Variants in GRAMD1B observed in about 807,000 individuals in gnomAD.
GRAMD1B encodes protein Aster-B.
A neutral mutation model predicts 99.7 loss-of-function variants in GRAMD1B; 37 were observed. The observed-to-expected ratio is 0.37, with a 90% confidence interval of 0.29 to 0.49. The LOEUF is 0.49. Among genes scored for constraint, GRAMD1B ranks in the 20% least tolerant of loss-of-function variants. The pLI is 0.98. For synonymous variants in GRAMD1B, 427 were observed against 387.6 expected, an observed-to-expected ratio of 1.10 and a Z score of -1.19; for missense variants, 888 against 1,009.2, an observed-to-expected ratio of 0.88 and a Z score of 1.63.
chr11:123,461,396 G>A (rs1950406251), intron 1 of GRAMD1B, among the ~76,000 whole-genome samples: 1 of 152,198 alleles, frequency 6.6e-6, no homozygotes, highest in African/African-American at 2.4e-5. Context: ...TGTCCTTGTG[G>A]CTAAATGAGG....
chr11:123,389,536 G>A (rs541886513), intron 1 of GRAMD1B, among the ~76,000 whole-genome samples: 2 of 152,242 alleles, frequency 1.3e-5, no homozygotes, highest in Admixed American at 6.5e-5. Flanking sequence ...GTAATGCAGC[G>A]TCCTGGATGG....
rs554709334 is a variant in GRAMD1B at position 123,611,297 on chromosome 11, T to G, written c.1919+959T>G. 4.0e-5 allele frequency among the ~76,000 whole-genome samples: 6 copies of G among 151,522 alleles called. No homozygotes were observed. In the East Asian group the frequency reaches 9.8e-4, roughly 25 times the overall value. On this transcript the variant is annotated intron_variant, in intron 14 of 19. Transcript: ENST00000635736. ...AAAAAAAATAAAAGTTCGCCAGGAG[T>G]GGTGGCGTGTACTGTAGTCCCAGCT...
At chr11:123,511,435 G>GAGATAGCTT (rs1665314532) in intron 2 of GRAMD1B, among the ~76,000 whole-genome samples, 1 of 152,070 alleles carries the variant, frequency 6.6e-6, no homozygotes, top group Non-Finnish European at 1.5e-5. Flanking sequence ...GGGCGCTCCT[G>GAGATAGCTT]AGATAGCTTT....
chr11:123,540,928 T>TA (rs1944449762), intron 2 of GRAMD1B, among the ~76,000 whole-genome samples: 2 of 152,182 alleles, frequency 1.3e-5, no homozygotes, highest in South Asian at 4.1e-4. Flanking sequence ...TAGTTTTTTT[T>TA]AATTTAAAAA....
intron 1 of GRAMD1B, among the ~76,000 whole-genome samples, chr11:123,451,649 C>T (rs1949891836): frequency 1.3e-5 from 2 of 152,122 alleles, no homozygotes; most frequent in South Asian, 4.1e-4. Context: ...TTTTACCTCC[C>T]CTGCTCCCCT....
intron 2 of GRAMD1B, among the ~76,000 whole-genome samples, chr11:123,487,639 T>C (rs10790578): frequency 0.72 from 110,051 of 152,148 alleles, 40,731 homozygotes; most frequent in African/African-American, 0.89. Flanking sequence ...CAGTCTTGCT[T>C]TGTCACCCAG....
chr11:123,360,956 A>T (rs761576505), intron 1 of GRAMD1B, among the ~76,000 whole-genome samples: 1 of 151,918 alleles, frequency 6.6e-6, no homozygotes, highest in Non-Finnish European at 1.5e-5. Context: ...AGCTGGGATT[A>T]CAGGCGCCCA....
intron 2 of GRAMD1B, among the ~76,000 whole-genome samples, chr11:123,568,569 C>T (rs1167640465): frequency 1.3e-5 from 2 of 152,200 alleles, no homozygotes; most frequent in Admixed American, 6.5e-5. Context: ...AGGGAAGGCC[C>T]ATTCTGTGTC....
intron 16 of GRAMD1B, among the ~76,000 whole-genome samples, chr11:123,614,327 G>A (rs1287686188): frequency 1.3e-5 from 2 of 152,150 alleles, no homozygotes; most frequent in African/African-American, 4.8e-5. Context: ...TAAGATTTCT[G>A]ACTGACATTG....
intron 2 of GRAMD1B, among the ~76,000 whole-genome samples, chr11:123,513,517 TC>T (rs1188393519): frequency 7.5e-6 from 1 of 132,842 alleles, no homozygotes; most frequent in African/African-American, 2.8e-5. Context: ...TTTCTTTCTT[TC>T]CTTCCTTCCT....
intron 1 of GRAMD1B, among the ~76,000 whole-genome samples, chr11:123,398,353 T>C (rs1375153206): frequency 6.6e-6 from 1 of 152,218 alleles, no homozygotes; most frequent in Non-Finnish European, 1.5e-5. Flanking sequence ...CTAAGGTCTC[T>C]CTTCTTCTTA....
In GRAMD1B at chr11:123,626,363, C is replaced by T. The variant is rs987621801; in HGVS notation, c.*3768C>T. On this transcript the variant is annotated 3_prime_UTR_variant, in exon 20 of 20. Coordinates refer to ENST00000635736, the MANE Select transcript of GRAMD1B (RefSeq NM_001387025.1). ...TGTGAGAAGTGGATTCTCTCCGTGT[C>T]CCTGCCCCCCACCCAAACTTGAACT... 1 of 151,144 alleles carries T rather than the reference C, an allele frequency of 6.6e-6. No homozygotes were observed. The highest frequency in any genetic ancestry group is 1.5e-5 in the Non-Finnish European group (1 of 67,882). The allele number at this position is 151,144 out of a possible 1,614,324, so 9.4% of individuals were successfully genotyped here.
Position 123,613,591 on chromosome 11 carries a change from A to G in GRAMD1B, c.2160A>G (p.Glu720=), listed in dbSNP as rs1411189798. The change falls in exon 16 of 20, where the codon GAA becomes GAG. Residue 720 remains glutamate (E), a synonymous_variant. Transcript: ENST00000635736. The part of the protein sequence containing the change: ...PHAHLRVPHL[E]EVMSPVTTPT... Reference sequence around the variant, plus strand: ...CCCACCTGCGAGTCCCTCACCTGGAAGAGGTGATGAGCCCGGTCACCACGC... The same window carrying G: ...CCCACCTGCGAGTCCCTCACCTGGAGGAGGTGATGAGCCCGGTCACCACGC... The G allele has an allele frequency of 5.0e-6, 8 of 1,613,738 alleles. No homozygotes were observed. The highest frequency in any genetic ancestry group is 6.8e-6 in the Non-Finnish European group (8 of 1,179,678).
chr11:123,368,696 A>AC (rs962994661), intron 1 of GRAMD1B, among the ~76,000 whole-genome samples: 1 of 150,272 alleles, frequency 6.7e-6, no homozygotes, highest in Non-Finnish European at 1.5e-5. Context: ...AAAAAAAAAA[A>AC]AAAAAAGAAA....
chr11:123,413,424 G>C (rs1050719912), intron 1 of GRAMD1B, among the ~76,000 whole-genome samples: 1 of 152,102 alleles, frequency 6.6e-6, no homozygotes, highest in African/African-American at 2.4e-5. Flanking sequence ...ATCGGAGAGA[G>C]AACTGATCAA....
chr11:123,578,657 G>A (rs56278918), intron 3 of GRAMD1B, among the ~76,000 whole-genome samples: 1 of 152,056 alleles, frequency 6.6e-6, no homozygotes, highest in Non-Finnish European at 1.5e-5. Context: ...CCCCACTCCC[G>A]ACCCTGCACC....
At chr11:123,486,836 G>A (rs551153131) in intron 2 of GRAMD1B, among the ~76,000 whole-genome samples, 3 of 152,188 alleles carry the variant, frequency 2.0e-5, no homozygotes, top group Non-Finnish European at 2.9e-5. Context: ...CGGGGAAGCC[G>A]ATGGGGGTGG....
At chr11:123,549,482 C>T (rs1478371013) in intron 2 of GRAMD1B, among the ~76,000 whole-genome samples, 1 of 151,940 alleles carries the variant, frequency 6.6e-6, no homozygotes, top group African/African-American at 2.4e-5. Flanking sequence ...GCAGAGCTTG[C>T]AGTGAGCCGA....
At chr11:123,503,818 A>G (rs1227657240) in intron 2 of GRAMD1B, among the ~76,000 whole-genome samples, 1 of 152,180 alleles carries the variant, frequency 6.6e-6, no homozygotes, top group Admixed American at 6.5e-5. Flanking sequence ...AAGTGCTGGG[A>G]TTATAGATGT....
Sources: gnomAD v4.1 joint callset for allele counts (sites outside exome capture counted in the v4.1 genomes callset) on GRCh38, gnomAD v4.1.1 for gene constraint, MANE v1.5 for transcripts, NCBI Gene and HGNC (gene_info 2026-07-23, HGNC 2026-07-21) for gene names.